Variants in GSDME observed in about 807,000 individuals in gnomAD.
GSDME encodes gasdermin E, also known as gasdermin-E.
A neutral mutation model predicts 47.5 loss-of-function variants in GSDME; 44 were observed. That is an observed-to-expected ratio of 0.93 (90% CI 0.73 to 1.19). The LOEUF is 1.19. Ranked by LOEUF, GSDME falls within the 50% of genes most tolerant of loss-of-function variation. GSDME has a pLI of 0.00. For synonymous variants in GSDME, 258 were observed against 252.8 expected, an observed-to-expected ratio of 1.02 and a Z score of -0.20; for missense variants, 663 against 604.2, an observed-to-expected ratio of 1.10 and a Z score of -1.02.
chr7:24,773,857 G>A, the GSDME span, among the ~76,000 whole-genome samples: 66 of 152,206 alleles, frequency 4.3e-4, no homozygotes, highest in Non-Finnish European at 6.6e-4. This position sits in a 1 kb window ranked among gnomAD's most constrained non-coding sequence, Gnocchi z 5.4. Flanking sequence ...AAGCTCAAAT[G>A]CTGCAACCAC....
rs1300680558 is a variant in GSDME at position 24,706,304 on chromosome 7, C to T, written c.1063G>A (p.Asp355Asn). 1 of 1,614,018 alleles carries T rather than the reference C, an allele frequency of 6.2e-7. No individual in the cohort carries two copies. Among genetic ancestry groups the T allele is most frequent in the South Asian group, 1.1e-5 (1 of 91,074 alleles). ...LGELKPRQQQ[D>N]LVAFLQLVGC... ...ACCAGCTGCAGGAAGGCCACAAGGT[C>T]CTGCTGCTGCCGGGGCTTCAGCTCC... Residue 355 changes from aspartate (D) to asparagine (N), a missense_variant, in exon 8 of 10, where the codon GAC becomes AAC. By Grantham distance (23) the Asp-to-Asn change is conservative. Coordinates refer to ENST00000645220, the MANE Select transcript of GSDME (RefSeq NM_001127453.2).
At chr7:24,776,365 T>C in the GSDME span, among the ~76,000 whole-genome samples, 243 of 152,210 alleles carry the variant, frequency 1.6e-3, no homozygotes, top group African/African-American at 5.4e-3. Context: ...CTGGGTTTAA[T>C]TGTCACTTGT....
intron 7 of GSDME, chr7:24,707,878 T>G (rs1159814904): frequency 1.8e-6 from 1 of 558,008 alleles, no homozygotes; most frequent in African/African-American, 1.9e-5. Flanking sequence ...TCCAAAACTA[T>G]GAGAGAATAA....
Position 24,756,860 on chromosome 7 carries a change from G to A in GSDME, c.-20+536C>T, listed in dbSNP as rs1171721154. On this transcript the variant is annotated intron_variant, in intron 1 of 9. Coordinates refer to ENST00000645220, the MANE Select transcript of GSDME (RefSeq NM_001127453.2). This position sits in a 1 kb window ranked among gnomAD's most constrained non-coding sequence, Gnocchi z 4.2. ...GGGCTTGGCCTCCTCCCCAAGCTAGGAGCTCTCTAGATACCGGAGCAAAGT... is the reference window on the plus strand; with the variant it reads ...GGGCTTGGCCTCCTCCCCAAGCTAGAAGCTCTCTAGATACCGGAGCAAAGT... Among the ~76,000 whole-genome samples the A allele has an allele frequency of 6.6e-6, 1 of 152,190 alleles. No homozygotes were observed. Among genetic ancestry groups the A allele is most frequent in the Non-Finnish European group, 1.5e-5 (1 of 68,030 alleles).
At chr7:24,734,386 GACAAACATCC>G in intron 3 of GSDME, among the ~76,000 whole-genome samples, 1 of 152,338 alleles carries the variant, frequency 6.6e-6, no homozygotes, top group South Asian at 2.1e-4. Flanking sequence ...CCCAGATACT[GACAAACATCC>G]ACAAGCATCA....
chr7:24,729,499 C>T (rs141510312), intron 3 of GSDME, among the ~76,000 whole-genome samples: 348 of 152,332 alleles, frequency 2.3e-3, no homozygotes, highest in Non-Finnish European at 3.5e-3. Context: ...CTTGACCCTA[C>T]GGCGTGGTTA....
In GSDME at chr7:24,705,293, A is replaced by T. The variant is rs1285992459; in HGVS notation, c.1183+891T>A. ...ATGTCCTGTTTCAGTTTACCAGTCAAAACTATATTTATCCATGAGTTGGAA... is the reference window on the plus strand; with the variant it reads ...ATGTCCTGTTTCAGTTTACCAGTCATAACTATATTTATCCATGAGTTGGAA... On this transcript the variant is annotated intron_variant, in intron 8 of 9. Transcript: ENST00000645220. The surrounding 1 kb of genome is among the most constrained non-coding windows in gnomAD (Gnocchi z 4.1). 6.6e-6 allele frequency: 1 copy of T among 151,606 alleles called. No homozygotes were observed. The highest frequency in any genetic ancestry group is 1.5e-5 in the Non-Finnish European group (1 of 68,040). The allele number at this position is 151,606 out of a possible 1,614,324, so 9.4% of individuals were successfully genotyped here.
intron 9 of GSDME, 114 bp downstream of exon 9, chr7:24,702,646 T>C: frequency 1.2e-6 from 1 of 835,996 alleles, no homozygotes; most frequent in South Asian, 1.3e-5. Context: ...TTAATGTGTC[T>C]TGAAGAGCTG....
In GSDME at chr7:24,706,207, T is replaced by TAGGC; in HGVS notation, c.1156_1159dup (p.Tyr387CysfsTer14). ...ACCTGCGAGGGCACTGACCAAGAAG[T>TAGGC]AGGCTGTCATAAACAGCTGCTTGCT... On this transcript the variant is annotated frameshift_variant, in exon 8 of 10. Coordinates refer to ENST00000645220, the MANE Select transcript of GSDME (RefSeq NM_001127453.2). LOFTEE classifies it high-confidence loss of function. The TAGGC allele has an allele frequency of 6.2e-7, 1 of 1,614,216 alleles. No individual in the cohort carries two copies. The highest frequency in any genetic ancestry group is 8.5e-7 in the Non-Finnish European group (1 of 1,180,026).
chr7:24,793,037 A>C, the GSDME span, among the ~76,000 whole-genome samples: 1 of 152,130 alleles, frequency 6.6e-6, no homozygotes, highest in African/African-American at 2.4e-5. Flanking sequence ...TTTTGCACCT[A>C]TTTTTATTAG....
Position 24,710,362 on chromosome 7 carries a change from C to T in GSDME, c.724G>A (p.Gly242Ser). 6.2e-7 allele frequency: 1 copy of T among 1,614,226 alleles called. No individual in the cohort carries two copies. The highest frequency in any genetic ancestry group is 8.5e-7 in the Non-Finnish European group (1 of 1,180,036). ...ATTCTCTTCTTGTTCTCGAAGCCACCTTGCTTCCCTCGGAGAAGGCAGAAC... is the reference window on the plus strand; with the variant it reads ...ATTCTCTTCTTGTTCTCGAAGCCACTTTGCTTCCCTCGGAGAAGGCAGAAC... ...FEFCLLRGKQ[G>S]GFENKKRIDS... The change falls in exon 6 of 10, where the codon GGT (glycine) becomes AGT (serine). Residue 242 changes from glycine (G) to serine (S), a missense_variant. Physicochemically the swap from Gly to Ser is moderately conservative, Grantham distance 56. Transcript: ENST00000645220.
rs990136221 is a variant in GSDME at position 24,721,229 on chromosome 7, G to A, written c.405-2011C>T. On this transcript the variant is annotated intron_variant, in intron 3 of 9. Transcript: ENST00000645220. The surrounding 1 kb of genome is among the most constrained non-coding windows in gnomAD (Gnocchi z 4.1). Reference sequence around the variant, plus strand: ...TTTACACTTAAAAATGGTTACAACAGTAAATGTTGTGTCTCATCTATTTTA... The same window carrying A: ...TTTACACTTAAAAATGGTTACAACAATAAATGTTGTGTCTCATCTATTTTA... 6.6e-6 allele frequency among the ~76,000 whole-genome samples: 1 copy of A among 152,230 alleles called. No individual in the cohort carries two copies. The highest frequency in any genetic ancestry group is 2.4e-5 in the African/African-American group (1 of 41,470).
chr7:24,707,235 C>T, intron 7 of GSDME: 1 of 457,016 alleles, frequency 2.2e-6, no homozygotes, highest in Non-Finnish European at 4.5e-6. Flanking sequence ...TATTCAAACT[C>T]CCTGCATAAT....
intron 3 of GSDME, among the ~76,000 whole-genome samples, chr7:24,720,583 G>A (rs1375202233): frequency 6.6e-6 from 1 of 152,192 alleles, no homozygotes; most frequent in Non-Finnish European, 1.5e-5. Flanking sequence ...AACAAAATGT[G>A]TTATAGTCAT....
chr7:24,699,358 T>G (rs1292617196), intron 9 of GSDME, 99 bp from the exon 10 acceptor site: 6 of 855,354 alleles, frequency 7.0e-6, no homozygotes, highest in Admixed American at 4.0e-5. Context: ...GAAAAAACTT[T>G]TTGAGATGGA....
chr7:24,763,227 C>T, the GSDME span, among the ~76,000 whole-genome samples: 3 of 152,258 alleles, frequency 2.0e-5, no homozygotes, highest in African/African-American at 7.2e-5. The surrounding 1 kb of genome is among the most constrained non-coding windows in gnomAD (Gnocchi z 4.3). Flanking sequence ...TTTCTTTTCT[C>T]TTCTTTAGTT....
the GSDME span, among the ~76,000 whole-genome samples, chr7:24,777,177 G>A: frequency 2.4e-4 from 36 of 152,232 alleles, no homozygotes; most frequent in South Asian, 6.8e-3. Flanking sequence ...CCTTACACGG[G>A]TTGAACTCTT....
chr7:24,715,836 CTCTT>C (rs1284540961), intron 5 of GSDME, among the ~76,000 whole-genome samples: 2 of 152,206 alleles, frequency 1.3e-5, no homozygotes, highest in Admixed American at 6.5e-5. Flanking sequence ...CTGACACTTT[CTCTT>C]TCTGTCACCT....
chr7:24,751,565 C>T (rs766316447), intron 1 of GSDME, among the ~76,000 whole-genome samples: 1 of 152,066 alleles, frequency 6.6e-6, no homozygotes, highest in Non-Finnish European at 1.5e-5. Context: ...GCTACCTGAC[C>T]CTGTTCTTGT....
Sources: allele counts gnomAD v4.1 joint callset (sites outside exome capture counted in the v4.1 genomes callset), GRCh38; gene constraint gnomAD v4.1.1; non-coding constraint Gnocchi (gnomAD v3.1); transcripts MANE v1.5; gene names NCBI Gene and HGNC (gene_info 2026-07-23, HGNC 2026-07-21).